Variants in LRP1B observed in about 807,000 individuals in gnomAD.
The protein encoded by LRP1B is low-density lipoprotein receptor-related protein 1B.
In LRP1B, 217 loss-of-function variants were observed where a neutral mutation model predicts 556.6. The ratio of observed to expected loss-of-function variants is 0.39; its 90% CI spans 0.35 to 0.44. The LOEUF (loss-of-function observed/expected upper bound fraction) is 0.44. Among genes scored for constraint, LRP1B ranks in the 20% least tolerant of loss-of-function variants. The pLI is 1.00. For missense variants in LRP1B, 5,053 were observed against 5,620.8 expected, an observed-to-expected ratio of 0.90 and a Z score of 3.23; for synonymous variants, 2,047 against 1,865.8, an observed-to-expected ratio of 1.10 and a Z score of -2.50.
At chr2:140,819,017 CT>C (rs1269438814) in intron 31 of LRP1B, among the ~76,000 whole-genome samples, 2 of 151,222 alleles carry the variant, frequency 1.3e-5, no homozygotes, top group Non-Finnish European at 2.9e-5. Context: ...TCCCTGGCTT[CT>C]CTGTGAAGTG....
chr2:141,567,224 T>C (rs1013328003), intron 2 of LRP1B, among the ~76,000 whole-genome samples: 3 of 152,152 alleles, frequency 2.0e-5, no homozygotes, highest in Admixed American at 2.0e-4. Flanking sequence ...ACCATGTTTC[T>C]AATTACTTTA....
intron 89 of LRP1B, among the ~76,000 whole-genome samples, chr2:140,235,838 T>G (rs1680673817): frequency 6.6e-6 from 1 of 151,052 alleles, no homozygotes. Context: ...ATGAAAAATG[T>G]GTAAAGTATA....
At chr2:140,382,292 T>A (rs200739624) in intron 67 of LRP1B, among the ~76,000 whole-genome samples, 1 of 152,198 alleles carries the variant, frequency 6.6e-6, no homozygotes, top group East Asian at 1.9e-4. Flanking sequence ...AAACCTTAAT[T>A]TTTAATCACT....
chr2:140,741,730 C>A (rs1399352420), intron 35 of LRP1B, among the ~76,000 whole-genome samples: 1 of 149,824 alleles, frequency 6.7e-6, no homozygotes, highest in Admixed American at 6.6e-5. Context: ...GTCAGAACAT[C>A]CACTATTTGG....
At chr2:142,118,918 AT>A (rs1433632799) in intron 1 of LRP1B, among the ~76,000 whole-genome samples, 4 of 152,180 alleles carry the variant, frequency 2.6e-5, no homozygotes, top group African/African-American at 9.6e-5. Context: ...ATTTCAAGGT[AT>A]AATGTTGACT....
In LRP1B at chr2:141,967,846, T is replaced by C. The variant is rs115606209; in HGVS notation, c.83-157445A>G. ...TCACACAATTGAGTTTATATCTCTT[T>C]AGTTACTATTGTTTGGTAACAAGAA... is the stretch of plus-strand genomic sequence containing the variant. On this transcript the variant is annotated intron_variant, in intron 1 of 90. Coordinates refer to ENST00000389484, the MANE Select transcript of LRP1B (RefSeq NM_018557.3). Among the ~76,000 whole-genome samples, 1,159 of 152,014 alleles carry C rather than the reference T, an allele frequency of 7.6e-3. 9 individuals are homozygous for C. Among genetic ancestry groups the C allele is most frequent in the Middle Eastern group, 0.014 (4 of 294 alleles).
chr2:140,556,486 G>A (rs558505538), intron 43 of LRP1B, among the ~76,000 whole-genome samples: 20 of 151,918 alleles, frequency 1.3e-4, no homozygotes, highest in East Asian at 5.8e-4. Flanking sequence ...TATCCACTTC[G>A]TCATCAAACT....
intron 1 of LRP1B, among the ~76,000 whole-genome samples, chr2:141,895,363 T>C (rs1025018001): frequency 1.3e-5 from 2 of 152,192 alleles, no homozygotes; most frequent in African/African-American, 4.8e-5. Flanking sequence ...AAAACCCCTG[T>C]TGCCATTGAA....
chr2:141,400,068 T>G (rs546889907), intron 3 of LRP1B, among the ~76,000 whole-genome samples: 27 of 152,208 alleles, frequency 1.8e-4, no homozygotes, highest in Admixed American at 1.6e-3. Flanking sequence ...TCCCGGCAGC[T>G]TCAATCTCCC....
At chr2:141,869,767 G>T (rs1420876986) in intron 1 of LRP1B, among the ~76,000 whole-genome samples, 2 of 152,088 alleles carry the variant, frequency 1.3e-5, no homozygotes, top group African/African-American at 2.4e-5. Context: ...CAAGGTACCT[G>T]GCAGAATGCC....
chr2:140,480,808 A>G (rs549709321), intron 59 of LRP1B, among the ~76,000 whole-genome samples: 1 of 152,324 alleles, frequency 6.6e-6, no homozygotes, highest in African/African-American at 2.4e-5. Context: ...AAAATAAGGC[A>G]TGCTGGTAAC....
chr2:142,037,246 G>A (rs1325728623), intron 1 of LRP1B, among the ~76,000 whole-genome samples: 1 of 151,572 alleles, frequency 6.6e-6, no homozygotes, highest in Non-Finnish European at 1.5e-5. Flanking sequence ...AAAGCCTAGC[G>A]TTCTGAGTTC....
At chr2:140,558,176 T>A (rs1680802632) in intron 43 of LRP1B, among the ~76,000 whole-genome samples, 1 of 152,172 alleles carries the variant, frequency 6.6e-6, no homozygotes, top group African/African-American at 2.4e-5. Context: ...GAATGGAGAA[T>A]GGCACAGCCA....
intron 31 of LRP1B, among the ~76,000 whole-genome samples, chr2:140,834,114 C>T (rs1212468574): frequency 6.6e-6 from 1 of 152,188 alleles, no homozygotes; most frequent in Non-Finnish European, 1.5e-5. Context: ...CCCTCAGAAT[C>T]TTTTTGCTGT....
chr2:141,074,771 A>G (rs1699744779), intron 7 of LRP1B, among the ~76,000 whole-genome samples: 1 of 152,010 alleles, frequency 6.6e-6, no homozygotes, highest in South Asian at 2.1e-4. Context: ...ATTCTGGCAT[A>G]GAAAAATACA....
chr2:141,171,334 T>C (rs1680489997), intron 7 of LRP1B, among the ~76,000 whole-genome samples: 1 of 152,078 alleles, frequency 6.6e-6, no homozygotes, highest in Non-Finnish European at 1.5e-5. Context: ...ACTCCACCTA[T>C]TCATCCCTTC....
At chr2:140,285,778 TAGAA>T (rs1573735186) in intron 84 of LRP1B, among the ~76,000 whole-genome samples, 1 of 151,892 alleles carries the variant, frequency 6.6e-6, no homozygotes, top group East Asian at 1.9e-4. Flanking sequence ...TACTTTTATT[TAGAA>T]AGACTATTTT....
intron 2 of LRP1B, among the ~76,000 whole-genome samples, chr2:141,585,278 A>C (rs1019848146): frequency 6.6e-6 from 1 of 152,160 alleles, no homozygotes; most frequent in Non-Finnish European, 1.5e-5. Context: ...TATTTATCCT[A>C]AGATAAATTA....
At chr2:141,477,314 A>G (rs1244808072) in intron 3 of LRP1B, among the ~76,000 whole-genome samples, 1 of 150,312 alleles carries the variant, frequency 6.7e-6, no homozygotes, top group Admixed American at 6.6e-5. Context: ...AAAAAAAAAG[A>G]AAGAATTTCC....
Sources: allele counts gnomAD v4.1 joint callset (sites outside exome capture counted in the v4.1 genomes callset), GRCh38; gene constraint gnomAD v4.1.1; transcripts MANE v1.5; gene names NCBI Gene and HGNC (gene_info 2026-07-23, HGNC 2026-07-21).